MAML3: variants seen among roughly 807,000 people sequenced by gnomAD.
The protein encoded by MAML3 is mastermind like transcriptional coactivator 3, also known as mastermind-like protein 3.
A neutral mutation model predicts 101.9 loss-of-function variants in MAML3; 27 were observed. That is an observed-to-expected ratio of 0.27 (90% CI 0.20 to 0.37). The LOEUF (loss-of-function observed/expected upper bound fraction) is 0.37. Ranked by LOEUF, MAML3 falls within the 10% of genes least tolerant of loss-of-function variation. MAML3 has a pLI of 1.00. For synonymous variants in MAML3, 501 were observed against 555.9 expected (o/e 0.90, Z 1.39); for missense variants, 1,316 against 1,444.9 (o/e 0.91, Z 1.45).
chr4:140,076,300 T>C (rs1181007465), intron 1 of MAML3, among the ~76,000 whole-genome samples: 1 of 152,150 alleles, frequency 6.6e-6, no homozygotes, highest in Non-Finnish European at 1.5e-5. Context: ...CCTTAGATAT[T>C]TTCTCCAATA....
intron 1 of MAML3, chr4:140,134,257 C>G (rs917090713): frequency 2.2e-6 from 1 of 456,704 alleles, no homozygotes; most frequent in Non-Finnish European, 4.4e-6. Flanking sequence ...AACTTTGACT[C>G]GTATAAACAC....
chr4:140,115,342 A>C (rs1278135957), intron 1 of MAML3, among the ~76,000 whole-genome samples: 3 of 152,222 alleles, frequency 2.0e-5, no homozygotes, highest in Non-Finnish European at 4.4e-5. Flanking sequence ...TTTCACTCTC[A>C]ATTTTCACTT....
chr4:140,069,603 A>G (rs1449439848), intron 1 of MAML3, among the ~76,000 whole-genome samples: 3 of 143,338 alleles, frequency 2.1e-5, no homozygotes, highest in African/African-American at 5.2e-5. Flanking sequence ...AGGAGGAGGA[A>G]GAAGAAGAAG....
At chr4:139,786,808 C>T (rs1730311517) in intron 2 of MAML3, among the ~76,000 whole-genome samples, 2 of 152,144 alleles carry the variant, frequency 1.3e-5, no homozygotes, top group Non-Finnish European at 2.9e-5. Context: ...AAAGTGGGGT[C>T]AAGGGCCAGG....
At chr4:139,822,479 C>T (rs986364219) in intron 2 of MAML3, among the ~76,000 whole-genome samples, 8 of 152,122 alleles carry the variant, frequency 5.3e-5, no homozygotes, top group Non-Finnish European at 7.4e-5. Context: ...AATCAGGCCT[C>T]GTGCTTTTGA....
At chr4:139,755,136 G>A (rs767332488) in intron 2 of MAML3, among the ~76,000 whole-genome samples, 2 of 152,218 alleles carry the variant, frequency 1.3e-5, no homozygotes, top group Non-Finnish European at 2.9e-5. Flanking sequence ...TTGGCCAGCT[G>A]GCCGGCACCA....
chr4:139,968,574 T>C (rs1040645888), intron 1 of MAML3, among the ~76,000 whole-genome samples: 5 of 152,122 alleles, frequency 3.3e-5, no homozygotes, highest in Non-Finnish European at 5.9e-5. Flanking sequence ...AGACTTTCTC[T>C]AAGTGCTCTT....
At chr4:139,961,391 C>T (rs1227349706) in intron 1 of MAML3, among the ~76,000 whole-genome samples, 1 of 152,172 alleles carries the variant, frequency 6.6e-6, no homozygotes, top group East Asian at 1.9e-4. Context: ...TCAAAAAGCT[C>T]AAGGGTATAC....
chr4:139,753,664 G>A (rs1729580403), intron 2 of MAML3, among the ~76,000 whole-genome samples: 1 of 152,146 alleles, frequency 6.6e-6, no homozygotes, highest in Non-Finnish European at 1.5e-5. Flanking sequence ...CATCCCTGAG[G>A]CTGAGGTGAG....
chr4:139,969,754 C>T (rs1734201984), intron 1 of MAML3, among the ~76,000 whole-genome samples: 1 of 152,152 alleles, frequency 6.6e-6, no homozygotes, highest in Non-Finnish European at 1.5e-5. Context: ...GCATGCTCTA[C>T]CTAAACACAT....
intron 1 of MAML3, among the ~76,000 whole-genome samples, chr4:140,069,698 G>A (rs944485145): frequency 6.6e-6 from 1 of 151,770 alleles, no homozygotes; most frequent in Non-Finnish European, 1.5e-5. Context: ...GAAAGAAGAA[G>A]AAGAAGGAGG....
rs1733304551 is a variant in MAML3 at position 139,928,157 on chromosome 4, T to C, written c.469-37190A>G. On this transcript the variant is annotated intron_variant, in intron 1 of 4. Coordinates refer to ENST00000509479, the MANE Select transcript of MAML3 (RefSeq NM_018717.5). ...AACATCACAGGGTTCATGCTGGCCT[T>C]CTCCTTTCTGTATCCATAACTGTTT... Among the ~76,000 whole-genome samples, 3 of 152,250 alleles carry C rather than the reference T, an allele frequency of 2.0e-5. No individual in the cohort carries two copies. In the South Asian group the frequency reaches 6.2e-4, roughly 32 times the overall value.
chr4:139,914,872 G>T (rs1732998720), intron 1 of MAML3, among the ~76,000 whole-genome samples: 1 of 152,218 alleles, frequency 6.6e-6, no homozygotes, highest in South Asian at 2.1e-4. Flanking sequence ...CACAGACAAA[G>T]GGAGCCAAGT....
chr4:139,868,449 A>G (rs1731940395), intron 2 of MAML3, among the ~76,000 whole-genome samples: 1 of 152,204 alleles, frequency 6.6e-6, no homozygotes, highest in Non-Finnish European at 1.5e-5. Context: ...GAAAGATCAT[A>G]ACATTGAAAT....
At chr4:140,113,406 T>G (rs550141349) in intron 1 of MAML3, among the ~76,000 whole-genome samples, 1 of 152,342 alleles carries the variant, frequency 6.6e-6, no homozygotes, top group East Asian at 1.9e-4. Flanking sequence ...AGGTCAAGTT[T>G]CATTAGTCTC....
intron 3 of MAML3, among the ~76,000 whole-genome samples, chr4:139,728,071 C>G (rs1025926322): frequency 1.3e-5 from 2 of 152,086 alleles, no homozygotes; most frequent in Non-Finnish European, 2.9e-5. Context: ...AAAAATTAGC[C>G]AGGCGTGATG....
At chr4:139,779,754 C>T (rs762726879) in intron 2 of MAML3, among the ~76,000 whole-genome samples, 63 of 152,310 alleles carry the variant, frequency 4.1e-4, no homozygotes, top group Non-Finnish European at 7.5e-4. Flanking sequence ...CACAGCTGGC[C>T]AGATTGCTTT....
intron 1 of MAML3, among the ~76,000 whole-genome samples, chr4:140,038,556 T>A (rs1187240503): frequency 1.3e-5 from 2 of 152,194 alleles, no homozygotes; most frequent in Non-Finnish European, 2.9e-5. Flanking sequence ...TTTAGAGCAA[T>A]GGCTCCTAGG....
chr4:139,847,927 T>C (rs559339159), intron 2 of MAML3, among the ~76,000 whole-genome samples: 5 of 152,320 alleles, frequency 3.3e-5, no homozygotes, highest in East Asian at 1.9e-4. Flanking sequence ...TTTGGTGGTA[T>C]GTTTGATCTG....
Sources: allele counts gnomAD v4.1 joint callset (sites outside exome capture counted in the v4.1 genomes callset), GRCh38; gene constraint gnomAD v4.1.1; transcripts MANE v1.5; gene names NCBI Gene and HGNC (gene_info 2026-07-23, HGNC 2026-07-21).